The following ACSS1 variants were observed in gnomAD, a reference collection of about 807,000 sequenced individuals.
ACSS1 encodes acyl-CoA synthetase short chain family member 1, also known as acetyl-coenzyme A synthetase 2-like, mitochondrial.
In ACSS1, 42 loss-of-function variants were observed where a neutral mutation model predicts 75.3. The ratio of observed to expected loss-of-function variants is 0.56; its 90% confidence interval spans 0.44 to 0.72. The LOEUF (loss-of-function observed/expected upper bound fraction) is 0.72. ACSS1 is among the 30% of genes least tolerant of loss of function. The pLI is 0.00. For synonymous variants in ACSS1, 380 were observed against 376.8 expected (o/e 1.01, Z -0.10); for missense variants, 782 against 935.7 (o/e 0.84, Z 2.14).
chr20:25,031,102 T>C, intron 2 of ACSS1, 144 bp from the exon 3 acceptor site: 4 of 817,238 alleles, frequency 4.9e-6, no homozygotes, highest in Non-Finnish European at 8.1e-6. Flanking sequence ...ACTTAATGCA[T>C]GGAAAGTACT....
chr20:25,039,013 G>A (rs907302338), intron 2 of ACSS1, among the ~76,000 whole-genome samples: 2 of 151,618 alleles, frequency 1.3e-5, no homozygotes, highest in African/African-American at 4.9e-5. Context: ...CCTCCCACTT[G>A]TCCTCACCCC....
chr20:25,020,280 AACCCC>A (rs2088598346), intron 6 of ACSS1, 133 bp from the exon 7 acceptor site: 2 of 1,184,800 alleles, frequency 1.7e-6, no homozygotes, highest in Admixed American at 4.5e-5. Context: ...GGATCCCCCC[AACCCC>A]CCACCCCCGC....
chr20:25,053,220 C>T (rs1326005375), intron 1 of ACSS1, among the ~76,000 whole-genome samples: 1 of 147,432 alleles, frequency 6.8e-6, no homozygotes, highest in Non-Finnish European at 1.5e-5. Flanking sequence ...TGCACCACCA[C>T]GCTCGGCTAA....
At chr20:25,012,443 C>T in intron 12 of ACSS1, 158 bp downstream of exon 12, 1 of 892,532 alleles carries the variant, frequency 1.1e-6, no homozygotes, top group Non-Finnish European at 1.8e-6. Flanking sequence ...TATTCAGCCT[C>T]CTCCCCTACA....
intron 2 of ACSS1, among the ~76,000 whole-genome samples, chr20:25,037,027 AGGAAAGAAAGAAAGAG>A: frequency 6.6e-6 from 1 of 151,300 alleles, no homozygotes; most frequent in Non-Finnish European, 1.5e-5. Flanking sequence ...GAAGGAAGGA[AGGAAAGAAAGAAAGAG>A]GGAAAGAAAG....
intron 1 of ACSS1, among the ~76,000 whole-genome samples, chr20:25,056,861 C>A (rs1317845634): frequency 2.0e-5 from 3 of 152,190 alleles, no homozygotes; most frequent in African/African-American, 7.2e-5. Context: ...CACCCAGGCC[C>A]ACCCTGCATC....
chr20:25,038,741 T>C (rs1043804520), intron 2 of ACSS1, among the ~76,000 whole-genome samples: 3 of 152,094 alleles, frequency 2.0e-5, no homozygotes, highest in Admixed American at 6.5e-5. Flanking sequence ...CCTCCTACAG[T>C]TGGGGTTGCT....
rs186029615 is a variant in ACSS1 at position 25,023,241 on chromosome 20, C to T, written c.808-149G>A. ...TTCAATTCCAAATGTGGAAAGGACA[C>T]AAAACAAAAGCGTGGGTGCAAGCAT... On this transcript the variant is annotated intron_variant, in intron 4 of 13. Coordinates refer to ENST00000323482, the MANE Select transcript of ACSS1 (RefSeq NM_032501.4). 275 of 1,213,738 alleles carry T rather than the reference C, an allele frequency of 2.3e-4. 2 individuals are homozygous for T. The East Asian group carries it at 6.4e-3, about 28-fold the overall frequency. 75.2% of individuals were successfully genotyped at this position (1,213,738 alleles called of 1,614,324 possible).
intron 7 of ACSS1, among the ~76,000 whole-genome samples, chr20:25,018,562 C>T (rs1242551610): frequency 6.6e-6 from 1 of 152,196 alleles, no homozygotes; most frequent in Non-Finnish European, 1.5e-5. Flanking sequence ...GAACCAAGTG[C>T]TGCGTTCAAC....
At chr20:25,031,138 C>T (rs1009699855) in intron 2 of ACSS1, 180 bp from the exon 3 acceptor site, 7 of 720,042 alleles carry the variant, frequency 9.7e-6, no homozygotes, top group Non-Finnish European at 1.7e-5. Flanking sequence ...AAGTTTTTAA[C>T]ATTTGTAGAT....
chr20:25,013,782 G>A, intron 9 of ACSS1, 120 bp from the exon 10 acceptor site: 1 of 1,423,070 alleles, frequency 7.0e-7, no homozygotes, highest in Non-Finnish European at 9.4e-7. Flanking sequence ...CCCTGAGGAG[G>A]GCCCCAAGCC....
chr20:25,028,844 C>T (rs1309641418), intron 3 of ACSS1, among the ~76,000 whole-genome samples: 1 of 151,910 alleles, frequency 6.6e-6, no homozygotes, highest in African/African-American at 2.4e-5. Context: ...CACTTGAACC[C>T]AGGAGGCGGA....
rs749216143 is a variant in ACSS1 at position 25,022,983 on chromosome 20, T to C, written c.917A>G (p.His306Arg). Residue 306 changes from histidine (H) to arginine (R), a missense_variant, in exon 5 of 14, where the codon CAT becomes CGT. Coordinates refer to ENST00000323482, the MANE Select transcript of ACSS1 (RefSeq NM_032501.4). The part of the protein sequence containing the change: ...GSTGMPKGIV[H>R]TQAGYLLYAA... ...ATAGAGCAGGTAGCCTGCCTGGGTA[T>C]GGACGATGCCCTTGGGCATTCCGGT... 1 of 1,614,104 alleles carries C rather than the reference T, an allele frequency of 6.2e-7. No individual in the cohort carries two copies. The highest frequency in any genetic ancestry group is 8.5e-7 in the Non-Finnish European group (1 of 1,180,026).
intron 1 of ACSS1, among the ~76,000 whole-genome samples, chr20:25,053,303 G>A (rs535325586): frequency 5.3e-5 from 8 of 150,364 alleles, no homozygotes; most frequent in South Asian, 2.1e-4. Flanking sequence ...GGGCTCAAGC[G>A]ATCTGCCCAC....
chr20:25,021,554 G>A lies in ACSS1; in HGVS notation c.961-18C>T, dbSNP rs1367737611. ...AACACAAGCTGCAGAGACAGGAAAG[G>A]AGCATCAGGAGCTTGTCCCCCCACT... On this transcript the variant is annotated intron_variant, in intron 5 of 13. Transcript: ENST00000323482. The A allele has an allele frequency of 6.2e-7, 1 of 1,610,504 alleles. No individual in the cohort carries two copies. The highest frequency in any genetic ancestry group is 1.3e-5 in the African/African-American group (1 of 74,928).
intron 2 of ACSS1, among the ~76,000 whole-genome samples, chr20:25,047,295 C>T (rs914401740): frequency 3.9e-4 from 59 of 152,324 alleles, no homozygotes; most frequent in African/African-American, 1.4e-3. Context: ...CTTCCCTCTA[C>T]CTCTGGGATC....
intron 2 of ACSS1, among the ~76,000 whole-genome samples, chr20:25,043,724 G>A (rs1600343839): frequency 6.6e-6 from 1 of 152,350 alleles, no homozygotes; most frequent in Non-Finnish European, 1.5e-5. Context: ...AGCTCCCAGA[G>A]TGGCACACGA....
rs6114998 is a variant in ACSS1, at chr20:25,007,412, C to T, written c.*350G>A. 118,298 of 1,135,316 alleles carry T rather than the reference C, an allele frequency of 0.1. 6,561 individuals are homozygous for T. The highest frequency in any genetic ancestry group is 0.11 in the African/African-American group (6,995 of 62,374). The allele number at this position is 1,135,316 out of a possible 1,614,324, so 70.3% of individuals were successfully genotyped here. On this transcript the variant is annotated 3_prime_UTR_variant, in exon 14 of 14. Coordinates refer to ENST00000323482, the MANE Select transcript of ACSS1 (RefSeq NM_032501.4). ...CACGGTTGCTACTAGCTAACTAGCTCTGTGTTATCTGAGCAGGCGCGCTAT... is the reference window on the plus strand; with the variant it reads ...CACGGTTGCTACTAGCTAACTAGCTTTGTGTTATCTGAGCAGGCGCGCTAT...
At chr20:25,029,221 C>T (rs2088780528) in intron 3 of ACSS1, among the ~76,000 whole-genome samples, 1 of 152,124 alleles carries the variant, frequency 6.6e-6, no homozygotes, top group Admixed American at 6.5e-5. Flanking sequence ...GGGCAAACAG[C>T]TTAAGTAGAC....
Sources: allele counts gnomAD v4.1 joint callset (sites outside exome capture counted in the v4.1 genomes callset), GRCh38; gene constraint gnomAD v4.1.1; transcripts MANE v1.5; gene names NCBI Gene and HGNC (gene_info 2026-07-23, HGNC 2026-07-21).